The following DLG2 variants were observed in gnomAD, a reference collection of about 807,000 sequenced individuals.
The protein encoded by DLG2 is disks large homolog 2.
Under a neutral mutation model 132.5 loss-of-function variants are expected in DLG2, and 45 were observed. The ratio of observed to expected loss-of-function variants is 0.34; its 90% confidence interval spans 0.27 to 0.44. The LOEUF is 0.44. Among genes scored for constraint, DLG2 ranks in the 20% least tolerant of loss-of-function variants. The probability of loss-of-function intolerance (pLI) is 1.00; values close to 1 mark genes in which losing one functional copy is unlikely to be tolerated. For missense variants in DLG2, 1,045 were observed against 1,196.9 expected, an observed-to-expected ratio of 0.87 and a Z score of 1.87; for synonymous variants, 424 against 419.6, an observed-to-expected ratio of 1.01 and a Z score of -0.13.
chr11:85,598,014 AAAAT>A (rs1308543408), intron 3 of DLG2, among the ~76,000 whole-genome samples: 1 of 140,660 alleles, frequency 7.1e-6, no homozygotes, highest in Non-Finnish European at 1.6e-5. Flanking sequence ...TATATAAAAA[AAAAT>A]ATATAAATAA....
intron 6 of DLG2, among the ~76,000 whole-genome samples, chr11:84,682,282 A>T: frequency 6.6e-6 from 1 of 152,230 alleles, no homozygotes; most frequent in East Asian, 1.9e-4. Flanking sequence ...TGAGTAACTC[A>T]GTGACCCTCT....
chr11:85,247,822 G>A (rs1012698690), intron 4 of DLG2, among the ~76,000 whole-genome samples: 1 of 152,036 alleles, frequency 6.6e-6, no homozygotes, highest in Non-Finnish European at 1.5e-5. Context: ...AATCACAGGA[G>A]TATATATTAT....
intron 6 of DLG2, among the ~76,000 whole-genome samples, chr11:84,784,291 G>T (rs1337046916): frequency 6.7e-6 from 1 of 148,152 alleles, no homozygotes; most frequent in Non-Finnish European, 1.5e-5. Flanking sequence ...TTGCATTTCA[G>T]CCTGGGCAAC....
chr11:85,436,473 A>G (rs2091485145), intron 3 of DLG2, among the ~76,000 whole-genome samples: 4 of 151,442 alleles, frequency 2.6e-5, no homozygotes, highest in Non-Finnish European at 5.9e-5. Context: ...GAAAAAAACA[A>G]ACAACTCCAT....
chr11:84,275,777 C>T (rs930012775), intron 7 of DLG2, among the ~76,000 whole-genome samples: 5 of 152,120 alleles, frequency 3.3e-5, no homozygotes, highest in African/African-American at 1.2e-4. Context: ...AATTTAAAAA[C>T]GTGTAAGTAC....
intron 9 of DLG2, among the ~76,000 whole-genome samples, chr11:84,146,512 G>T (rs992895297): frequency 6.6e-6 from 1 of 151,600 alleles, no homozygotes; most frequent in Admixed American, 6.6e-5. Flanking sequence ...AATTAGAAAA[G>T]AATTTAGAAA....
At chr11:84,779,974 A>G (rs921522173) in intron 6 of DLG2, among the ~76,000 whole-genome samples, 1 of 152,000 alleles carries the variant, frequency 6.6e-6, no homozygotes. Context: ...AGAAGAACTA[A>G]TACCAATCCT....
intron 6 of DLG2, among the ~76,000 whole-genome samples, chr11:84,940,314 C>G (rs1452081281): frequency 6.6e-6 from 1 of 152,276 alleles, no homozygotes; most frequent in East Asian, 1.9e-4. Flanking sequence ...CCACACCTGG[C>G]TAATCTTTTT....
chr11:85,556,509 T>G (rs894083615), intron 3 of DLG2, among the ~76,000 whole-genome samples: 5 of 151,990 alleles, frequency 3.3e-5, no homozygotes, highest in Non-Finnish European at 1.5e-5. Flanking sequence ...TGTATTCTTC[T>G]AGTGTTTACA....
At chr11:84,187,131 G>A (rs1406975281) in intron 8 of DLG2, among the ~76,000 whole-genome samples, 1 of 149,478 alleles carries the variant, frequency 6.7e-6, no homozygotes, top group Non-Finnish European at 1.5e-5. Flanking sequence ...AAATATATAA[G>A]TAAAGTATTA....
At chr11:84,549,424 C>T (rs1447713385) in intron 6 of DLG2, among the ~76,000 whole-genome samples, 3 of 152,184 alleles carry the variant, frequency 2.0e-5, no homozygotes, top group Non-Finnish European at 4.4e-5. Flanking sequence ...GAATCATTCA[C>T]TACTAAAAGC....
intron 7 of DLG2, among the ~76,000 whole-genome samples, chr11:84,291,127 C>G (rs1422349623): frequency 6.6e-6 from 1 of 152,052 alleles, no homozygotes; most frequent in Non-Finnish European, 1.5e-5. Flanking sequence ...AATCTCATAA[C>G]TTTTTATAAT....
At chr11:85,574,300 CA>C (rs1400609799) in intron 3 of DLG2, among the ~76,000 whole-genome samples, 1 of 151,840 alleles carries the variant, frequency 6.6e-6, no homozygotes, top group Non-Finnish European at 1.5e-5. Flanking sequence ...CCTGGTACCC[CA>C]AATTTCTATA....
At chr11:85,544,096 T>C (rs1455411539) in intron 3 of DLG2, among the ~76,000 whole-genome samples, 3 of 152,146 alleles carry the variant, frequency 2.0e-5, no homozygotes, top group Non-Finnish European at 4.4e-5. Context: ...ATTGCCAAGG[T>C]TTTATTCTAG....
Position 83,957,557 on chromosome 11 carries a change from T to TC in DLG2, c.1340+5327_1340+5328insG, listed in dbSNP as rs1341484372. The stretch of plus-strand genomic sequence containing the variant: ...CTACTCCACACAGCAGCCAGAACTT[T>TC]TTTTTTTTTTTTTTAAAAACATAAA... On this transcript the variant is annotated intron_variant, in intron 14 of 27. Coordinates refer to ENST00000376104, the MANE Select transcript of DLG2 (RefSeq NM_001142699.3). 5.9e-5 allele frequency among the ~76,000 whole-genome samples: 6 copies of TC among 101,224 alleles called. No homozygotes were observed. In the East Asian group the frequency reaches 1.1e-3, roughly 18 times the overall value. The allele number at this position is 101,224 out of a possible 152,430, so 66.4% of individuals were successfully genotyped here.
At chr11:84,538,831 T>G (rs1425701734) in intron 6 of DLG2, among the ~76,000 whole-genome samples, 1 of 150,826 alleles carries the variant, frequency 6.6e-6, no homozygotes, top group Admixed American at 6.6e-5. Flanking sequence ...CATTCCCGTG[T>G]TTTTTTTTCT....
At chr11:83,682,577 T>C (rs2079014268) in intron 18 of DLG2, among the ~76,000 whole-genome samples, 1 of 152,004 alleles carries the variant, frequency 6.6e-6, no homozygotes, top group Admixed American at 6.6e-5. Flanking sequence ...CAGTGAGGAG[T>C]AGGCAAAGAC....
At chr11:84,586,008 G>T (rs139961620) in intron 6 of DLG2, among the ~76,000 whole-genome samples, 1 of 152,086 alleles carries the variant, frequency 6.6e-6, no homozygotes, top group Non-Finnish European at 1.5e-5. Context: ...AAAACTAGCC[G>T]GGCATGATGG....
intron 8 of DLG2, among the ~76,000 whole-genome samples, chr11:84,244,932 T>A (rs2154346069): frequency 6.6e-6 from 1 of 152,290 alleles, no homozygotes; most frequent in Non-Finnish European, 1.5e-5. Context: ...GCCTAAATCA[T>A]AAGAATATGT....
Sources: gnomAD v4.1 joint callset for allele counts (sites outside exome capture counted in the v4.1 genomes callset) on GRCh38, gnomAD v4.1.1 for gene constraint, MANE v1.5 for transcripts, NCBI Gene and HGNC (gene_info 2026-07-23, HGNC 2026-07-21) for gene names.